Variants in FAM135B observed in about 807,000 individuals in gnomAD.
FAM135B encodes family with sequence similarity 135 member B.
In FAM135B, 43 loss-of-function variants were observed where a neutral mutation model predicts 127.7. The observed-to-expected ratio is 0.34, with a 90% CI of 0.26 to 0.43. The LOEUF (loss-of-function observed/expected upper bound fraction) is 0.43, where lower values mean the gene tolerates loss of function less well. FAM135B is among the 20% of genes least tolerant of loss of function. The probability of loss-of-function intolerance (pLI) is 1.00; values close to 1 mark genes in which losing one functional copy is unlikely to be tolerated. For missense variants in FAM135B, 1,558 were observed against 1,725.6 expected (o/e 0.90, Z 1.72); for synonymous variants, 670 against 665.1 (o/e 1.01, Z -0.11).
At chr8:138,263,523 G>A (rs896194636) in intron 4 of FAM135B, among the ~76,000 whole-genome samples, 1 of 152,216 alleles carries the variant, frequency 6.6e-6, no homozygotes, top group African/African-American at 2.4e-5. Flanking sequence ...TAGCCAGCAT[G>A]GCTAATAGGA....
chr8:138,303,810 T>C (rs1308387114), intron 3 of FAM135B, among the ~76,000 whole-genome samples: 1 of 152,124 alleles, frequency 6.6e-6, no homozygotes. Context: ...CCACATATGT[T>C]ACCTGCACTG....
At chr8:138,408,077 AC>A (rs1433521560) in intron 1 of FAM135B, among the ~76,000 whole-genome samples, 1 of 152,142 alleles carries the variant, frequency 6.6e-6, no homozygotes, top group Admixed American at 6.5e-5. Flanking sequence ...ATTCTTAAGG[AC>A]CCTAGGATTT....
At chr8:138,308,758 A>G (rs1209525422) in intron 3 of FAM135B, among the ~76,000 whole-genome samples, 6 of 152,112 alleles carry the variant, frequency 3.9e-5, no homozygotes, top group African/African-American at 1.4e-4. Flanking sequence ...GGCGCCTGCC[A>G]GCTCCAAAAG....
intron 1 of FAM135B, among the ~76,000 whole-genome samples, chr8:138,465,556 C>A (rs1008088239): frequency 6.6e-5 from 10 of 152,200 alleles, no homozygotes; most frequent in Non-Finnish European, 1.5e-4. Flanking sequence ...AATGCCCATT[C>A]TTTGGCCTCT....
chr8:138,203,656 C>G (rs745975821), intron 7 of FAM135B, among the ~76,000 whole-genome samples: 20 of 152,256 alleles, frequency 1.3e-4, no homozygotes, highest in Middle Eastern at 6.8e-3. Context: ...TAGTCCCCCT[C>G]CTTTTTGGCA....
At chr8:138,447,118 C>A (rs1434959350) in intron 1 of FAM135B, among the ~76,000 whole-genome samples, 20 of 151,970 alleles carry the variant, frequency 1.3e-4, no homozygotes, top group Admixed American at 1.3e-3. Flanking sequence ...CCATCTCACA[C>A]CAGTTAGAAT....
intron 2 of FAM135B, among the ~76,000 whole-genome samples, chr8:138,336,313 C>T (rs1828580926): frequency 6.6e-6 from 1 of 152,010 alleles, no homozygotes; most frequent in South Asian, 2.1e-4. Flanking sequence ...TCAATGAATC[C>T]AGGAGCTGGT....
rs374654603 is a variant in FAM135B, at chr8:138,152,814, A to T, written c.1661T>A (p.Ile554Asn). The T allele has an allele frequency of 1.7e-5, 27 of 1,613,996 alleles. No homozygotes were observed. Among genetic ancestry groups the T allele is most frequent in the South Asian group, 3.3e-5 (3 of 91,084 alleles). ...GTTCTTATTGCTAGATTTTACGTCA[A>T]TGTAGGTCAGCACTGGGGCCTGTCC... ...EDGQAPVLTY[I>N]DVKSSNKNPS... The change falls in exon 13 of 20, where the codon ATT becomes AAT. Residue 554 changes from isoleucine (I) to asparagine (N), a missense_variant. Around this residue, in one of 5 missense-constraint regions of FAM135B, gnomAD observed 923 missense variants for 865.3 expected, o/e 1.07. Transcript: ENST00000395297.
intron 1 of FAM135B, among the ~76,000 whole-genome samples, chr8:138,457,974 CAAAAA>C (rs530760937): frequency 1.3e-5 from 1 of 76,990 alleles, no homozygotes. Flanking sequence ...GACTCCATCT[CAAAAA>C]AAAAAAAAAA....
intron 17 of FAM135B, among the ~76,000 whole-genome samples, chr8:138,140,498 T>C (rs1817041638): frequency 6.6e-6 from 1 of 152,142 alleles, no homozygotes; most frequent in African/African-American, 2.4e-5. Context: ...ATCTCATGAG[T>C]AGTATCTACA....
chr8:138,283,808 G>A (rs1197044773), intron 3 of FAM135B, among the ~76,000 whole-genome samples: 2 of 152,054 alleles, frequency 1.3e-5, no homozygotes, highest in Non-Finnish European at 2.9e-5. Flanking sequence ...AGGAGATTAG[G>A]GAAGACTTTC....
chr8:138,385,580 A>G (rs1290838140), intron 1 of FAM135B, among the ~76,000 whole-genome samples: 2 of 151,486 alleles, frequency 1.3e-5, no homozygotes, highest in African/African-American at 2.4e-5. Context: ...GGAGGCTGAG[A>G]CAGGTGGATT....
At chr8:138,487,564 C>T (rs946209276) in intron 1 of FAM135B, among the ~76,000 whole-genome samples, 2 of 150,324 alleles carry the variant, frequency 1.3e-5, no homozygotes, top group Non-Finnish European at 2.9e-5. Flanking sequence ...CGTGCATTCA[C>T]AGCAGCATGG....
Position 138,311,100 on chromosome 8 carries a change from G to A in FAM135B, c.78-180C>T, listed in dbSNP as rs546211502. 1.5e-4 allele frequency among the ~76,000 whole-genome samples: 23 copies of A among 152,318 alleles called. No individual in the cohort carries two copies. The South Asian group carries it at 2.9e-3, about 19-fold the overall frequency. ...CAGCAGAGTTGGAGAGGGAAGTGACGGGGCAGTGTTGGAGATTGGAAGTTG... is the reference window on the plus strand; with the variant it reads ...CAGCAGAGTTGGAGAGGGAAGTGACAGGGCAGTGTTGGAGATTGGAAGTTG... On this transcript the variant is annotated intron_variant, in intron 2 of 19. Transcript: ENST00000395297.
At chr8:138,295,051 A>G (rs1430443174) in intron 3 of FAM135B, among the ~76,000 whole-genome samples, 1 of 150,506 alleles carries the variant, frequency 6.6e-6, no homozygotes, top group Non-Finnish European at 1.5e-5. Context: ...GTCATGAGAG[A>G]TAATTCCTCA....
chr8:138,289,369 T>C (rs1824931245), intron 3 of FAM135B, among the ~76,000 whole-genome samples: 1 of 152,204 alleles, frequency 6.6e-6, no homozygotes, highest in African/African-American at 2.4e-5. Flanking sequence ...GAGGGACTGA[T>C]GCAGTGACAA....
chr8:138,315,778 CACTT>C (rs1238503929), intron 2 of FAM135B, among the ~76,000 whole-genome samples: 2 of 151,912 alleles, frequency 1.3e-5, no homozygotes, highest in African/African-American at 4.8e-5. Context: ...TACATGATCT[CACTT>C]ACATGTAGAA....
chr8:138,406,115 G>A (rs1283742043), intron 1 of FAM135B, among the ~76,000 whole-genome samples: 1 of 149,076 alleles, frequency 6.7e-6, no homozygotes, highest in Non-Finnish European at 1.5e-5. Context: ...CTGGATATCA[G>A]CCCTTTGTCA....
At chr8:138,218,784 G>C (rs866419110) in intron 7 of FAM135B, among the ~76,000 whole-genome samples, 137 of 40,786 alleles carry the variant, frequency 3.4e-3, no homozygotes, top group African/African-American at 8.8e-3. Flanking sequence ...GAGAGAGAGA[G>C]AGAGAGAGAG....
Sources: allele counts gnomAD v4.1 joint callset (sites outside exome capture counted in the v4.1 genomes callset), GRCh38; gene constraint gnomAD v4.1.1; regional missense constraint gnomAD v4.1.1; transcripts MANE v1.5; gene names NCBI Gene and HGNC (gene_info 2026-07-23, HGNC 2026-07-21).